Variants in TMEM68 observed in about 807,000 individuals in gnomAD.
TMEM68 encodes DGAT1/2-independent enzyme synthesizing storage lipids.
Under a neutral mutation model 36.9 loss-of-function variants are expected in TMEM68, and 25 were observed. The ratio of observed to expected loss-of-function variants is 0.68; its 90% CI spans 0.49 to 0.95. TMEM68 has a LOEUF of 0.95. Among genes scored for constraint, TMEM68 ranks in the 40% least tolerant of loss-of-function variants. TMEM68 has a pLI of 0.00. For missense variants in TMEM68, 333 were observed against 392.0 expected, an observed-to-expected ratio of 0.85 and a Z score of 1.27; for synonymous variants, 131 against 124.4, an observed-to-expected ratio of 1.05 and a Z score of -0.35.
At chr8:55,754,595 ATG>A (rs1302771621) in intron 4 of TMEM68, among the ~76,000 whole-genome samples, 1 of 135,922 alleles carries the variant, frequency 7.4e-6, no homozygotes, top group African/African-American at 2.8e-5. Context: ...TACATATATT[ATG>A]TAATATATAT....
chr8:55,772,971 C>T (rs918503487), intron 1 of TMEM68: 4 of 152,454 alleles, frequency 2.6e-5, no homozygotes, highest in Non-Finnish European at 4.4e-5. Context: ...TGAAACGCGC[C>T]GAACCGAAGG....
intron 5 of TMEM68, chr8:55,746,836 T>C (rs781577570): frequency 4.6e-5 from 7 of 152,202 alleles, no homozygotes; most frequent in Non-Finnish European, 8.8e-5. Context: ...ACGCCTAATA[T>C]ACTGCAAGGA....
chr8:55,756,365 T>C lies in TMEM68; in HGVS notation c.372A>G (p.Ala124=). The change falls in exon 4 of 8, where the codon GCA becomes GCG. Residue 124 remains alanine (A), a synonymous_variant. Coordinates refer to ENST00000434581, the MANE Select transcript of TMEM68 (RefSeq NM_001286657.2). ...GMEKIPEDGP[A]LIIFYHGAIP... is the part of the protein sequence containing the mutation. ...TAGCTCCATGATAAAAAATTATAAGTGCTGGTCCATCTTCTGGTATTTTTT... is the reference window on the plus strand; with the variant it reads ...TAGCTCCATGATAAAAAATTATAAGCGCTGGTCCATCTTCTGGTATTTTTT... 6.3e-7 allele frequency: 1 copy of C among 1,596,788 alleles called. No individual in the cohort carries two copies. The highest frequency in any genetic ancestry group is 8.5e-7 in the Non-Finnish European group (1 of 1,174,680).
intron 1 of TMEM68, among the ~76,000 whole-genome samples, chr8:55,771,397 T>C (rs1184313266): frequency 6.6e-6 from 1 of 151,768 alleles, no homozygotes; most frequent in Admixed American, 6.6e-5. Flanking sequence ...AACCCAAGAA[T>C]TCAAGACCAG....
At chr8:55,756,538 C>A in intron 3 of TMEM68, 127 bp from the exon 4 acceptor site, 1 of 774,576 alleles carries the variant, frequency 1.3e-6, no homozygotes. Flanking sequence ...TCCCCTTTCC[C>A]CCTTCTTCCC....
chr8:55,755,175 T>C (rs1810564904), intron 4 of TMEM68, among the ~76,000 whole-genome samples: 1 of 151,496 alleles, frequency 6.6e-6, no homozygotes, highest in South Asian at 2.1e-4. Flanking sequence ...CTCAATCTTA[T>C]TGTTATAAAT....
In TMEM68 at chr8:55,762,865, T is replaced by A. The variant is rs1186700686; in HGVS notation, c.95A>T (p.Glu32Val). 6.2e-7 allele frequency: 1 copy of A among 1,614,174 alleles called. No homozygotes were observed. Among genetic ancestry groups the A allele is most frequent in the African/African-American group, 1.3e-5 (1 of 75,056 alleles). ...IHILEEWFGV[E>V]QLEDYLNFAN... is the part of the protein sequence containing the mutation. ...AAAATTCAAATAGTCCTCCAACTGC[T>A]CCACACCAAACCATTCTTCGAGTAT... Residue 32 changes from glutamate to valine, a missense_variant, in exon 3 of 8, where the codon GAG becomes GTG. Glu to Val is a moderately radical substitution (Grantham distance 121). Transcript: ENST00000434581.
At chr8:55,754,575 T>TTA (rs1196261338) in intron 4 of TMEM68, among the ~76,000 whole-genome samples, 2 of 137,948 alleles carry the variant, frequency 1.4e-5, no homozygotes, top group Non-Finnish European at 3.0e-5. Flanking sequence ...TATATTTATA[T>TTA]TATATAAAAT....
chr8:55,761,764 T>A (rs2130004628), intron 3 of TMEM68: 1 of 152,350 alleles, frequency 6.6e-6, no homozygotes, highest in South Asian at 2.1e-4. Context: ...CACTGGTGAT[T>A]TCTGCTAATA....
chr8:55,760,555 G>A (rs1187130070), intron 3 of TMEM68, among the ~76,000 whole-genome samples: 1 of 152,230 alleles, frequency 6.6e-6, no homozygotes, highest in Non-Finnish European at 1.5e-5. Flanking sequence ...GTAAAGTCCA[G>A]AATATGGAAA....
intron 4 of TMEM68, among the ~76,000 whole-genome samples, chr8:55,754,934 T>C (rs1810554809): frequency 2.3e-5 from 1 of 43,358 alleles, no homozygotes; most frequent in South Asian, 6.8e-4. Context: ...TATATATTTA[T>C]ATATATTTAT....
At position 55,769,271 on chromosome 8, in the gene TMEM68, G is replaced by A. The variant is rs112472574; in HGVS notation, c.-115+3998C>T. 6.7e-3 allele frequency among the ~76,000 whole-genome samples: 831 copies of A among 124,944 alleles called. 5 individuals carry two copies. The highest frequency in any genetic ancestry group is 0.023 in the African/African-American group (761 of 32,950). The allele number at this position is 124,944 out of a possible 152,430, so 82.0% of individuals were successfully genotyped here. ...CCGGGAGGCAGAGGTTATATAAGCC[G>A]AGATTCTGACAGTGCACTCCAGCCT... On this transcript the variant is annotated intron_variant, in intron 1 of 7. Coordinates refer to ENST00000434581, the MANE Select transcript of TMEM68 (RefSeq NM_001286657.2).
At position 55,750,977 on chromosome 8, in the gene TMEM68, A is replaced by G. The variant is rs746409057; in HGVS notation, c.674T>C (p.Ile225Thr). The G allele has an allele frequency of 1.2e-6, 2 of 1,606,454 alleles. No individual in the cohort carries two copies. Among genetic ancestry groups the G allele is most frequent in the Non-Finnish European group, 1.7e-6 (2 of 1,178,342 alleles). Residue 225 changes from isoleucine (I) to threonine (T), a missense_variant, in exon 5 of 8, where the codon ATT (isoleucine) becomes ACT (threonine). Physicochemically the swap from Ile to Thr is moderately conservative, Grantham distance 89. Coordinates refer to ENST00000434581, the MANE Select transcript of TMEM68 (RefSeq NM_001286657.2). ...TATATAACTCACCACTTTTGCATCA[A>G]TTGCAACCTGAGCAAAGCCTCTGCG... ...GHRRGFAQVA[I>T]DAKVPIIPMF...
Position 55,756,385 on chromosome 8 carries a change from T to C in TMEM68, c.352A>G (p.Ile118Val). 6.3e-7 allele frequency: 1 copy of C among 1,583,622 alleles called. No homozygotes were observed. Among genetic ancestry groups the C allele is most frequent in the East Asian group, 2.3e-5 (1 of 43,862 alleles). The change falls in exon 4 of 8, where the codon ATA (isoleucine) becomes GTA (valine). Residue 118 changes from isoleucine (I) to valine (V), a missense_variant. By Grantham distance (29) the Ile-to-Val change is conservative. Coordinates refer to ENST00000434581, the MANE Select transcript of TMEM68 (RefSeq NM_001286657.2). ...ATAAGTGCTGGTCCATCTTCTGGTA[T>C]TTTTTCCATTCCATGAACTTCATAA... Reference protein sequence around the residue: ...HGYEVHGMEKIPEDGPALIIF... With the variant: ...HGYEVHGMEKVPEDGPALIIF...
chr8:55,742,421 T>C (rs1284498990), intron 7 of TMEM68, among the ~76,000 whole-genome samples: 1 of 152,260 alleles, frequency 6.6e-6, no homozygotes, highest in African/African-American at 2.4e-5. Flanking sequence ...TGTTTTACCA[T>C]ATTATGTGTT....
chr8:55,770,527 G>A (rs1811120772), intron 1 of TMEM68, among the ~76,000 whole-genome samples: 2 of 152,038 alleles, frequency 1.3e-5, no homozygotes, highest in South Asian at 4.1e-4. Flanking sequence ...AAAAAGGTTC[G>A]CCAGGCATGG....
chr8:55,772,795 C>T (rs1282672066), intron 1 of TMEM68, among the ~76,000 whole-genome samples: 1 of 152,198 alleles, frequency 6.6e-6, no homozygotes, highest in Non-Finnish European at 1.5e-5. Flanking sequence ...GATACGAACG[C>T]TCTACCCACG....
chr8:55,758,999 G>T (rs1810691600), intron 3 of TMEM68, among the ~76,000 whole-genome samples: 1 of 152,044 alleles, frequency 6.6e-6, no homozygotes, highest in African/African-American at 2.4e-5. Context: ...AATTTTAATG[G>T]GTTTACTGAG....
At position 55,740,028 on chromosome 8, in the gene TMEM68, T is replaced by A. The variant is rs576910005; in HGVS notation, c.*104A>T. Reference sequence around the variant, plus strand: ...AAGATGCTTATTAACATGATTTTTTTAAAAAATACTAATTATAGGACCTAC... The same window carrying A: ...AAGATGCTTATTAACATGATTTTTTAAAAAAATACTAATTATAGGACCTAC... On this transcript the variant is annotated 3_prime_UTR_variant, in exon 8 of 8. Coordinates refer to ENST00000434581, the MANE Select transcript of TMEM68 (RefSeq NM_001286657.2). 3.4e-4 allele frequency: 277 copies of A among 807,542 alleles called. 2 individuals are homozygous for A. The highest frequency in any genetic ancestry group is 1.2e-3 in the South Asian group (58 of 47,320). The allele number at this position is 807,542 out of a possible 1,614,324, so 50.0% of individuals were successfully genotyped here. A position where few individuals can be genotyped will look rare whatever the true frequency, so the allele number is the denominator to read the frequency against.
Sources: allele counts gnomAD v4.1 joint callset (sites outside exome capture counted in the v4.1 genomes callset), GRCh38; gene constraint gnomAD v4.1.1; transcripts MANE v1.5; gene names NCBI Gene and HGNC (gene_info 2026-07-23, HGNC 2026-07-21).